Variants in ABCD2 observed in about 807,000 individuals in gnomAD.
The protein encoded by ABCD2 is ATP binding cassette subfamily D member 2.
A neutral mutation model predicts 70.9 loss-of-function variants in ABCD2; 36 were observed. That is an observed-to-expected ratio of 0.51 (90% CI 0.39 to 0.67). The LOEUF is 0.67. Among genes scored for constraint, ABCD2 ranks in the 30% least tolerant of loss-of-function variants. The probability of loss-of-function intolerance (pLI) is 0.00; values close to 1 mark genes in which losing one functional copy is unlikely to be tolerated. For missense variants in ABCD2, 729 were observed against 890.2 expected, an observed-to-expected ratio of 0.82 and a Z score of 2.30; for synonymous variants, 304 against 306.9, an observed-to-expected ratio of 0.99 and a Z score of 0.10.
chr12:39,616,975 T>C lies in ABCD2; in HGVS notation c.1120+13A>G. 1 of 1,569,428 alleles carries C rather than the reference T, an allele frequency of 6.4e-7. No homozygotes were observed. The highest frequency in any genetic ancestry group is 1.2e-5 in the South Asian group (1 of 82,794). On this transcript the variant is annotated intron_variant, in intron 2 of 9. Transcript: ENST00000308666. The stretch of plus-strand genomic sequence containing the variant: ...TTAAAAATATATTTGAGATTAAGCA[T>C]AAATGTCATTACCACCATCTGCAAA...
At chr12:39,544,717 G>T in the ABCD2 span, among the ~76,000 whole-genome samples, 37 of 152,222 alleles carry the variant, frequency 2.4e-4, 1 homozygote, top group South Asian at 7.5e-3. Context: ...GATCGCTCTG[G>T]CTTCTTCCTG....
In ABCD2 at chr12:39,604,859, G is replaced by A. The variant is rs1400080182; in HGVS notation, c.1308C>T (p.Gly436=). Residue 436 remains glycine (G), a synonymous_variant, in exon 4 of 10, where the codon GGC becomes GGT. Coordinates refer to ENST00000308666, the MANE Select transcript of ABCD2 (RefSeq NM_005164.4). ...GAATGACAGCAGTTCTCTTATAAAT[G>A]CCTCTTTTTACTTCATCAAAGACCC... ...MFWVFDEVKR[G]IYKRTAVIQE... The A allele has an allele frequency of 3.1e-6, 5 of 1,612,286 alleles. No homozygotes were observed. Among genetic ancestry groups the A allele is most frequent in the Non-Finnish European group, 4.2e-6 (5 of 1,179,108 alleles).
intron 7 of ABCD2, among the ~76,000 whole-genome samples, chr12:39,580,179 T>G (rs995781669): frequency 4.6e-5 from 7 of 152,202 alleles, no homozygotes; most frequent in African/African-American, 1.7e-4. Flanking sequence ...AGGTTCGAGC[T>G]ATTTACCCTC....
intron 9 of ABCD2, among the ~76,000 whole-genome samples, chr12:39,567,089 T>G (rs745689588): frequency 3.9e-5 from 6 of 152,104 alleles, no homozygotes. Context: ...GTGTGGTGCT[T>G]AGAAGAATGT....
chr12:39,607,682 G>A lies in ABCD2; in HGVS notation c.1153C>T (p.Arg385Trp), dbSNP rs1323359345. The change falls in exon 3 of 10, where the codon CGG (arginine) becomes TGG (tryptophan). Residue 385 changes from arginine (R) to tryptophan (W), a missense_variant. Physicochemically the swap from Arg to Trp is moderately radical, Grantham distance 101. Coordinates refer to ENST00000308666, the MANE Select transcript of ABCD2 (RefSeq NM_005164.4). Reference protein sequence around the residue: ...DGQKQVMVSERTEAFTTARNL... With the variant: ...DGQKQVMVSEWTEAFTTARNL... ...CGAGCAGTGGTAAAGGCTTCTGTCC[G>A]TTCACTAACCATAACTTGCTTTTGG... 4.3e-6 allele frequency: 7 copies of A among 1,609,284 alleles called. No homozygotes were observed. Among genetic ancestry groups the A allele is most frequent in the East Asian group, 2.2e-5 (1 of 44,596 alleles).
At chr12:39,542,519 G>A in the ABCD2 span, among the ~76,000 whole-genome samples, 1 of 152,008 alleles carries the variant, frequency 6.6e-6, no homozygotes, top group Non-Finnish European at 1.5e-5. Flanking sequence ...AGAGAGATTA[G>A]TTAGAAAGCA....
chr12:39,595,590 A>T (rs534994006), intron 6 of ABCD2, among the ~76,000 whole-genome samples: 70 of 152,348 alleles, frequency 4.6e-4, no homozygotes, highest in African/African-American at 1.6e-3. Context: ...AATGTGATTC[A>T]TAACTTTATT....
chr12:39,589,393 T>G lies in ABCD2; in HGVS notation c.1647-3096A>C, dbSNP rs553447939. On this transcript the variant is annotated intron_variant, in intron 6 of 9. Coordinates refer to ENST00000308666, the MANE Select transcript of ABCD2 (RefSeq NM_005164.4). ...GGAAGCTTTGGTCTGGGTTTTTTTT[T>G]TTTTTTTTTTTGAGACGGAGTCTCG... is the stretch of plus-strand genomic sequence containing the variant. Among the ~76,000 whole-genome samples the G allele has an allele frequency of 1.0e-3, 150 of 148,884 alleles. 1 individual carries two copies. Among genetic ancestry groups the G allele is most frequent in the Admixed American group, 4.0e-3 (60 of 15,036 alleles).
chr12:39,589,010 GTA>G (rs1283044237), intron 6 of ABCD2, among the ~76,000 whole-genome samples: 1 of 152,094 alleles, frequency 6.6e-6, no homozygotes, highest in Non-Finnish European at 1.5e-5. Context: ...AATTTGATAA[GTA>G]TACTGTAGTT....
the ABCD2 span, among the ~76,000 whole-genome samples, chr12:39,541,123 A>G: frequency 6.6e-6 from 1 of 152,252 alleles, no homozygotes; most frequent in African/African-American, 2.4e-5. Context: ...AATTGTCTGC[A>G]TGAAACTGAT....
chr12:39,585,716 A>C (rs1160214767), intron 7 of ABCD2, among the ~76,000 whole-genome samples: 2 of 152,174 alleles, frequency 1.3e-5, no homozygotes, highest in African/African-American at 4.8e-5. Context: ...GTGCTGCTTG[A>C]GAGCAAAAAA....
At chr12:39,573,580 A>C (rs1941476851) in intron 9 of ABCD2, 136 bp downstream of exon 9, 1 of 817,104 alleles carries the variant, frequency 1.2e-6, no homozygotes, top group Non-Finnish European at 1.8e-6. Context: ...TAAGCTACTA[A>C]TGTGCAACTT....
In ABCD2 at chr12:39,619,696, A is replaced by G; in HGVS notation, c.-81T>C. The stretch of plus-strand genomic sequence containing the variant: ...CACAGAAATCCCCAGCAAATGTTTT[A>G]GAAAGTCCTACAGCGTCCCATAGTC... On this transcript the variant is annotated 5_prime_UTR_variant, in exon 1 of 10. It removes the in-frame stop codon of an upstream open reading frame in the 5' UTR. Transcript: ENST00000308666. The G allele has an allele frequency of 7.7e-7, 1 of 1,293,744 alleles. No homozygotes were observed. The highest frequency in any genetic ancestry group is 1.1e-6 in the Non-Finnish European group (1 of 945,254). 80.1% of individuals were successfully genotyped at this position (1,293,744 alleles called of 1,614,324 possible).
chr12:39,564,456 G>A (rs1260743889), intron 9 of ABCD2, among the ~76,000 whole-genome samples: 4 of 152,070 alleles, frequency 2.6e-5, no homozygotes, highest in Non-Finnish European at 5.9e-5. Context: ...CATATCCTTT[G>A]CCCACTTTTT....
At chr12:39,539,207 C>T in the ABCD2 span, among the ~76,000 whole-genome samples, 9 of 152,188 alleles carry the variant, frequency 5.9e-5, no homozygotes, top group Non-Finnish European at 1.2e-4. Flanking sequence ...ATGCTTAACT[C>T]TAAAGAGGGT....
chr12:39,571,531 C>T (rs989421449), intron 9 of ABCD2, among the ~76,000 whole-genome samples: 2 of 152,116 alleles, frequency 1.3e-5, no homozygotes, highest in Non-Finnish European at 2.9e-5. Context: ...CAAACACCAC[C>T]TTCGATGTAT....
At chr12:39,577,469 C>T (rs1337868500) in intron 8 of ABCD2, among the ~76,000 whole-genome samples, 2 of 152,080 alleles carry the variant, frequency 1.3e-5, no homozygotes, top group Non-Finnish European at 2.9e-5. Flanking sequence ...GGACAATTAA[C>T]CCAATTCCTT....
intron 6 of ABCD2, among the ~76,000 whole-genome samples, chr12:39,595,169 G>A (rs11172721): frequency 0.31 from 46,696 of 152,080 alleles, 9,146 homozygotes; most frequent in Non-Finnish European, 0.39. Context: ...AGAAAGTTGG[G>A]AAAGTAATAC....
intron 2 of ABCD2, among the ~76,000 whole-genome samples, chr12:39,614,230 C>A (rs1045078082): frequency 6.6e-6 from 1 of 152,154 alleles, no homozygotes; most frequent in Non-Finnish European, 1.5e-5. Flanking sequence ...GACTCAGGAG[C>A]CACAGGGTAA....
Sources: gnomAD v4.1 joint callset for allele counts (sites outside exome capture counted in the v4.1 genomes callset) on GRCh38, gnomAD v4.1.1 for gene constraint, MANE v1.5 for transcripts, NCBI Gene and HGNC (gene_info 2026-07-23, HGNC 2026-07-21) for gene names.